Variants in TENM4 observed in about 807,000 individuals in gnomAD.
The protein encoded by TENM4 is teneurin transmembrane protein 4, also known as teneurin-4.
A neutral mutation model predicts 243.3 loss-of-function variants in TENM4; 82 were observed. The ratio of observed to expected loss-of-function variants is 0.34; its 90% confidence interval spans 0.28 to 0.40. TENM4 has a LOEUF of 0.40. Among genes scored for constraint, TENM4 ranks in the 10% least tolerant of loss-of-function variants. The probability of loss-of-function intolerance (pLI) is 1.00; values close to 1 mark genes in which losing one functional copy is unlikely to be tolerated. For synonymous variants in TENM4, 1,412 were observed against 1,456.3 expected (o/e 0.97, Z 0.69); for missense variants, 3,138 against 3,673.3 (o/e 0.85, Z 3.77).
chr11:79,358,863 G>T (rs1857542025), intron 1 of TENM4, among the ~76,000 whole-genome samples: 2 of 151,942 alleles, frequency 1.3e-5, no homozygotes, highest in Admixed American at 6.6e-5. Context: ...CAGGCACGGA[G>T]CTAGATACTG....
At chr11:79,247,714 T>C (rs925114869) in intron 2 of TENM4, among the ~76,000 whole-genome samples, 12 of 152,364 alleles carry the variant, frequency 7.9e-5, no homozygotes, top group Middle Eastern at 3.4e-3. Context: ...TTTACCCATG[T>C]CTGTCCCAGG....
chr11:78,891,270 G>T lies in TENM4; in HGVS notation c.816C>A (p.Gly272=). The T allele has an allele frequency of 6.4e-7, 1 of 1,551,680 alleles. No individual in the cohort carries two copies. Among genetic ancestry groups the T allele is most frequent in the South Asian group, 1.2e-5 (1 of 84,062 alleles). ...QDNLIEMDIL[G]ASRHDGAYSD... ...TGTAAGCCCCATCATGGCGGGAGGC[G>T]CCGAGAATGTCCATCTCAATGAGGT... Residue 272 remains glycine, a synonymous_variant, in exon 8 of 34, where the codon GGC becomes GGA. Transcript: ENST00000278550.
chr11:79,398,769 A>G (rs1402869136), intron 1 of TENM4, among the ~76,000 whole-genome samples: 1 of 10,050 alleles, frequency 1.0e-4, no homozygotes, highest in Non-Finnish European at 1.8e-4. Context: ...AGAGTGCCAC[A>G]GTGTGTTAGG....
At chr11:78,985,866 C>T (rs2136643554) in intron 6 of TENM4, among the ~76,000 whole-genome samples, 1 of 152,290 alleles carries the variant, frequency 6.6e-6, no homozygotes. Context: ...TGCCCAGGCT[C>T]CCCCTCTGGG....
chr11:79,308,950 G>A (rs988531201), intron 1 of TENM4, among the ~76,000 whole-genome samples: 2 of 152,088 alleles, frequency 1.3e-5, no homozygotes, highest in Non-Finnish European at 2.9e-5. Flanking sequence ...TCAGTAACAG[G>A]CAAGTAATTA....
At chr11:79,055,288 C>T (rs1418467182) in intron 6 of TENM4, among the ~76,000 whole-genome samples, 2 of 152,018 alleles carry the variant, frequency 1.3e-5, no homozygotes, top group African/African-American at 4.8e-5. Context: ...GTTGTCTAGG[C>T]TGGTGTGCGG....
chr11:78,696,889 C>A (rs72939805), intron 28 of TENM4, among the ~76,000 whole-genome samples: 2 of 151,816 alleles, frequency 1.3e-5, no homozygotes, highest in Non-Finnish European at 2.9e-5. Flanking sequence ...CTTTTCTTCC[C>A]TCATTCAGCT....
chr11:79,408,213 G>T (rs537452033), intron 1 of TENM4, among the ~76,000 whole-genome samples: 255 of 152,240 alleles, frequency 1.7e-3, no homozygotes, highest in Non-Finnish European at 2.5e-3. Context: ...CAACCACTGC[G>T]CCCAGCCATC....
rs753384435 is a variant in TENM4 at position 79,076,697 on chromosome 11, G to A, written c.-65-6688C>T. 2.6e-5 allele frequency among the ~76,000 whole-genome samples: 4 copies of A among 152,072 alleles called. No homozygotes were observed. In the East Asian group the frequency reaches 7.7e-4, roughly 29 times the overall value. On this transcript the variant is annotated intron_variant, in intron 4 of 33. Transcript: ENST00000278550. ...GGATCTGGAAGGTTTCAATAGGGAC[G>A]TGAATGTGGGGAGGCCTGGGAGCCC...
intron 15 of TENM4, among the ~76,000 whole-genome samples, chr11:78,798,814 TG>T (rs1208648629): frequency 6.6e-6 from 1 of 152,110 alleles, no homozygotes; most frequent in Admixed American, 6.5e-5. Context: ...CACAGATCTC[TG>T]GCTGGTGACA....
chr11:79,002,143 G>A (rs1276704019), intron 6 of TENM4, among the ~76,000 whole-genome samples: 2 of 152,116 alleles, frequency 1.3e-5, no homozygotes, highest in Non-Finnish European at 2.9e-5. Flanking sequence ...GCCCTTGCTG[G>A]CATGAAAGCA....
intron 6 of TENM4, among the ~76,000 whole-genome samples, chr11:79,031,649 T>C (rs948252642): frequency 1.5e-4 from 23 of 151,990 alleles, no homozygotes; most frequent in Admixed American, 1.3e-4. Flanking sequence ...AGGTGAGGGG[T>C]TTAGGACTGT....
chr11:78,757,453 AC>A (rs1856337234), intron 18 of TENM4, among the ~76,000 whole-genome samples: 1 of 152,184 alleles, frequency 6.6e-6, no homozygotes, highest in Non-Finnish European at 1.5e-5. Context: ...TTTGAATTTC[AC>A]CCTCAGAACA....
At chr11:78,864,408 T>TG (rs1268092892) in intron 9 of TENM4, among the ~76,000 whole-genome samples, 2 of 107,396 alleles carry the variant, frequency 1.9e-5, no homozygotes, top group Non-Finnish European at 3.3e-5. Flanking sequence ...CACTCCAGCC[T>TG]GGGCGACAGA....
chr11:79,076,556 A>G (rs550537070), intron 4 of TENM4, among the ~76,000 whole-genome samples: 1 of 152,196 alleles, frequency 6.6e-6, no homozygotes, highest in South Asian at 2.1e-4. Flanking sequence ...CCATGATTCA[A>G]TTACCTCCCA....
At chr11:79,413,712 T>C (rs1858751214) in intron 1 of TENM4, among the ~76,000 whole-genome samples, 1 of 152,154 alleles carries the variant, frequency 6.6e-6, no homozygotes. Flanking sequence ...TTTTGAACAA[T>C]TGGGGCAATC....
intron 3 of TENM4, among the ~76,000 whole-genome samples, chr11:79,189,751 T>C (rs1015072660): frequency 9.2e-5 from 14 of 152,226 alleles, no homozygotes; most frequent in African/African-American, 3.4e-4. Flanking sequence ...AAAGCTAATA[T>C]TGACTGACCA....
intron 9 of TENM4, among the ~76,000 whole-genome samples, chr11:78,872,187 A>T (rs1859149761): frequency 6.6e-6 from 1 of 152,228 alleles, no homozygotes; most frequent in African/African-American, 2.4e-5. Flanking sequence ...TTCTTGTCAC[A>T]CTGTCATCAA....
chr11:78,976,070 T>C (rs1354503251), intron 6 of TENM4, among the ~76,000 whole-genome samples: 2 of 152,192 alleles, frequency 1.3e-5, no homozygotes, highest in Admixed American at 1.3e-4. Flanking sequence ...TAATAAATAA[T>C]AGTAATAAAC....
Sources: gnomAD v4.1 joint callset for allele counts (sites outside exome capture counted in the v4.1 genomes callset) on GRCh38, gnomAD v4.1.1 for gene constraint, MANE v1.5 for transcripts, NCBI Gene and HGNC (gene_info 2026-07-23, HGNC 2026-07-21) for gene names.